GPR61: variants seen among roughly 807,000 people sequenced by gnomAD.
The protein encoded by GPR61 is G protein-coupled receptor 61.
Under a neutral mutation model 29.2 loss-of-function variants are expected in GPR61, and 15 were observed. The ratio of observed to expected loss-of-function variants is 0.51; its 90% CI spans 0.34 to 0.79. The LOEUF is 0.79. Ranked by LOEUF, GPR61 falls within the 30% of genes least tolerant of loss-of-function variation. The pLI is 0.01. For synonymous variants in GPR61, 238 were observed against 242.3 expected, an observed-to-expected ratio of 0.98 and a Z score of 0.17; for missense variants, 399 against 582.5, an observed-to-expected ratio of 0.69 and a Z score of 3.24.
In GPR61 at chr1:109,543,280, C is replaced by T; in HGVS notation, c.258C>T (p.Asp86=). 1.2e-6 allele frequency: 2 copies of T among 1,614,156 alleles called. No homozygotes were observed. The highest frequency in any genetic ancestry group is 1.1e-5 in the South Asian group (1 of 91,088). ...TCGTCTTCCACCTCTGCCTGGTGGACCTGCTGGCTGCCCTGACCCTCATGC... is the reference window on the plus strand; with the variant it reads ...TCGTCTTCCACCTCTGCCTGGTGGATCTGCTGGCTGCCCTGACCCTCATGC... The part of the protein sequence containing the change: ...FVFVFHLCLV[D]LLAALTLMPL... Residue 86 remains aspartate, a synonymous_variant, in exon 2 of 2, where the codon GAC becomes GAT. Coordinates refer to ENST00000527748, the MANE Select transcript of GPR61 (RefSeq NM_001393907.1). This position sits in a 1 kb window ranked among gnomAD's most constrained non-coding sequence, Gnocchi z 6.8.
chr1:109,542,951 C>G lies in GPR61; in HGVS notation c.-72C>G, dbSNP rs1361525197. The stretch of plus-strand genomic sequence containing the variant: ...GGAAGCCTGGGCCTGGGCTCGCCAT[C>G]CCAGGGTCGCTGGACTAGGATGGGG... On this transcript the variant is annotated 5_prime_UTR_variant, in exon 2 of 2. It adds an upstream start codon to the 5' untranslated region. Coordinates refer to ENST00000527748, the MANE Select transcript of GPR61 (RefSeq NM_001393907.1). 4 of 1,548,606 alleles carry G rather than the reference C, an allele frequency of 2.6e-6. No homozygotes were observed. Among genetic ancestry groups the G allele is most frequent in the Non-Finnish European group, 3.5e-6 (4 of 1,143,976 alleles).
In GPR61 at chr1:109,543,435, T is replaced by G; in HGVS notation, c.413T>G (p.Val138Gly). 1 of 1,612,792 alleles carries G rather than the reference T, an allele frequency of 6.2e-7. No homozygotes were observed. Among genetic ancestry groups the G allele is most frequent in the Non-Finnish European group, 8.5e-7 (1 of 1,179,982 alleles). Residue 138 changes from valine (V) to glycine (G), a missense_variant, in exon 2 of 2, where the codon GTG (valine) becomes GGG (glycine). Physicochemically the swap from Val to Gly is moderately radical, Grantham distance 109. Transcript: ENST00000527748. This position sits in a 1 kb window ranked among gnomAD's most constrained non-coding sequence, Gnocchi z 6.8. ...ATCCTCTCGGTGTCAGCCATCAATG[T>G]GGAGCGCTACTATTACGTAGTCCAC... is the stretch of plus-strand genomic sequence containing the variant. ...LAILSVSAIN[V>G]ERYYYVVHPM...
Position 109,547,129 on chromosome 1 carries a change from C to T in GPR61, c.*2751C>T, listed in dbSNP as rs1647829084. On this transcript the variant is annotated 3_prime_UTR_variant, in exon 2 of 2. Coordinates refer to ENST00000527748, the MANE Select transcript of GPR61 (RefSeq NM_001393907.1). Reference sequence around the variant, plus strand: ...AAGCTGCTTAATTTCTCTGAGCCTACTTCCTCACCTGTAAAAATGGGGATC... The same window carrying T: ...AAGCTGCTTAATTTCTCTGAGCCTATTTCCTCACCTGTAAAAATGGGGATC... 1 of 152,240 alleles carries T rather than the reference C, an allele frequency of 6.6e-6. No homozygotes were observed. 9.4% of individuals were successfully genotyped at this position (152,240 alleles called of 1,614,324 possible).
chr1:109,540,704 C>T (rs1647610482), intron 1 of GPR61, among the ~76,000 whole-genome samples: 3 of 152,188 alleles, frequency 2.0e-5, no homozygotes, highest in Non-Finnish European at 4.4e-5. Context: ...TGTTACACCA[C>T]AGCCCTCCCC....
chr1:109,541,786 G>A (rs12044778), intron 1 of GPR61, among the ~76,000 whole-genome samples: 25,475 of 152,186 alleles, frequency 0.17, 2,444 homozygotes, highest in East Asian at 0.35. Flanking sequence ...TCATGAGTGG[G>A]TGGAGAAGGG....
At chr1:109,540,948 G>T (rs1489118725) in intron 1 of GPR61, among the ~76,000 whole-genome samples, 3 of 152,176 alleles carry the variant, frequency 2.0e-5, no homozygotes, top group Non-Finnish European at 4.4e-5. Flanking sequence ...CTCCGTCTGG[G>T]ACTCTTGATG....
In GPR61 at chr1:109,542,961, C is replaced by A. The variant is rs750650798; in HGVS notation, c.-62C>A. The A allele has an allele frequency of 1.3e-6, 2 of 1,554,332 alleles. No individual in the cohort carries two copies. Among genetic ancestry groups the A allele is most frequent in the South Asian group, 1.2e-5 (1 of 83,754 alleles). ...GCCTGGGCTCGCCATCCCAGGGTCG[C>A]TGGACTAGGATGGGGGATGGGCCTG... On this transcript the variant is annotated 5_prime_UTR_variant, in exon 2 of 2. It adds an upstream start codon to the 5' untranslated region. Coordinates refer to ENST00000527748, the MANE Select transcript of GPR61 (RefSeq NM_001393907.1).
chr1:109,543,319 C>T lies in GPR61; in HGVS notation c.297C>T (p.Leu99=). Reference sequence around the variant, plus strand: ...TGACCCTCATGCCCCTGGCCATGCTCTCCAGCTCTGCCCTCTTTGACCACG... The same window carrying T: ...TGACCCTCATGCCCCTGGCCATGCTTTCCAGCTCTGCCCTCTTTGACCACG... ...AALTLMPLAM[L]SSSALFDHAL... Residue 99 remains leucine (L), a synonymous_variant, in exon 2 of 2, where the codon CTC becomes CTT. Coordinates refer to ENST00000527748, the MANE Select transcript of GPR61 (RefSeq NM_001393907.1). This position sits in a 1 kb window ranked among gnomAD's most constrained non-coding sequence, Gnocchi z 6.8. The T allele has an allele frequency of 6.2e-7, 1 of 1,613,976 alleles. No homozygotes were observed. Among genetic ancestry groups the T allele is most frequent in the Non-Finnish European group, 8.5e-7 (1 of 1,180,010 alleles).
At position 109,539,929 on chromosome 1, in the gene GPR61, T is replaced by G. The variant is rs41279738; in HGVS notation, c.-626T>G. On this transcript the variant is annotated 5_prime_UTR_variant, in exon 1 of 2. An upstream start codon of the reference 5' UTR is lost. Coordinates refer to ENST00000527748, the MANE Select transcript of GPR61 (RefSeq NM_001393907.1). ...GCATCAGCTGAGAGGAGCTATCACA[T>G]GGGAGCCGGGACTGCTCAGCAAAGG... 0.022 allele frequency: 3,397 copies of G among 152,312 alleles called. 82 individuals carry two copies. The highest frequency in any genetic ancestry group is 0.032 in the Non-Finnish European group (2,167 of 68,062). 9.4% of individuals were successfully genotyped at this position (152,312 alleles called of 1,614,324 possible). A position where few individuals can be genotyped will look rare whatever the true frequency, so the allele number is the denominator to read the frequency against.
chr1:109,543,659 G>C lies in GPR61; in HGVS notation c.637G>C (p.Ala213Pro). 6.2e-7 allele frequency: 1 copy of C among 1,614,038 alleles called. No individual in the cohort carries two copies. Among genetic ancestry groups the C allele is most frequent in the Non-Finnish European group, 8.5e-7 (1 of 1,180,032 alleles). ...AYCQLFVVVF[A>P]VLYFLLPLLL... is the part of the protein sequence containing the mutation. ...CTGCCAGCTTTTTGTGGTGGTCTTTGCTGTCCTTTACTTTCTGTTGCCCCT... is the reference window on the plus strand; with the variant it reads ...CTGCCAGCTTTTTGTGGTGGTCTTTCCTGTCCTTTACTTTCTGTTGCCCCT... Residue 213 changes from alanine (A) to proline (P), a missense_variant, in exon 2 of 2, where the codon GCT becomes CCT. By Grantham distance (27) the Ala-to-Pro change is conservative. Around this residue, in one of 3 missense-constraint regions of GPR61, gnomAD observed 320 missense variants for 459.8 expected, o/e 0.70. Transcript: ENST00000527748. This position sits in a 1 kb window ranked among gnomAD's most constrained non-coding sequence, Gnocchi z 6.8.
At chr1:109,541,245 C>T (rs1196529265) in intron 1 of GPR61, among the ~76,000 whole-genome samples, 3 of 152,150 alleles carry the variant, frequency 2.0e-5, no homozygotes, top group East Asian at 1.9e-4. Context: ...GAGAGAGGCA[C>T]GTCTCTAGGC....
At chr1:109,541,223 T>C (rs1647633494) in intron 1 of GPR61, among the ~76,000 whole-genome samples, 1 of 152,190 alleles carries the variant, frequency 6.6e-6, no homozygotes, top group Non-Finnish European at 1.5e-5. Flanking sequence ...AAATGAGCTT[T>C]CTGTGTCCCT....
Position 109,542,922 on chromosome 1 carries a change from A to T in GPR61, c.-101A>T. ...TCCAGTGGGAGGTGCCCCCTACGAA[A>T]CCAGGAAGCCTGGGCCTGGGCTCGC... On this transcript the variant is annotated 5_prime_UTR_variant, in exon 2 of 2. Transcript: ENST00000527748. 5 of 1,520,738 alleles carry T rather than the reference A, an allele frequency of 3.3e-6. No individual in the cohort carries two copies. The highest frequency in any genetic ancestry group is 4.5e-6 in the Non-Finnish European group (5 of 1,121,288). The allele number at this position is 1,520,738 out of a possible 1,614,324, so 94.2% of individuals were successfully genotyped here.
At chr1:109,540,827 C>T (rs1435707024) in intron 1 of GPR61, among the ~76,000 whole-genome samples, 3 of 152,226 alleles carry the variant, frequency 2.0e-5, no homozygotes, top group African/African-American at 7.2e-5. Context: ...GAGACACTGG[C>T]AAGCTTGAGG....
rs1401467882 is a variant in GPR61, at chr1:109,543,181, C to G, written c.159C>G (p.Asp53Glu). 1 of 1,613,764 alleles carries G rather than the reference C, an allele frequency of 6.2e-7. No individual in the cohort carries two copies. Among genetic ancestry groups the G allele is most frequent in the South Asian group, 1.1e-5 (1 of 91,032 alleles). ...SVALFFMLLL[D>E]LTAVAGNAAV... is the part of the protein sequence containing the mutation. ...CCCTCTTCTTCATGCTCCTGCTGGA[C>G]TTGACTGCTGTGGCTGGCAATGCCG... Residue 53 changes from aspartate to glutamate, a missense_variant, in exon 2 of 2, where the codon GAC becomes GAG. By Grantham distance (45) the Asp-to-Glu change is conservative (BLOSUM62 2). Transcript: ENST00000527748. The surrounding 1 kb of genome is among the most constrained non-coding windows in gnomAD (Gnocchi z 6.8).
At position 109,541,595 on chromosome 1, in the gene GPR61, C is replaced by A. The variant is rs539195360; in HGVS notation, c.-601-827C>A. 6.6e-5 allele frequency among the ~76,000 whole-genome samples: 10 copies of A among 152,334 alleles called. No homozygotes were observed. In the South Asian group the frequency reaches 2.1e-3, roughly 32 times the overall value. ...AGAAATGATGGGTTTTTAAACTGAG[C>A]AACCTCAGTGTCTCCTCCCTACTTC... On this transcript the variant is annotated intron_variant, in intron 1 of 1. Transcript: ENST00000527748.
Position 109,543,748 on chromosome 1 carries a change from C to A in GPR61, c.726C>A (p.His242Gln). Reference protein sequence around the residue: ...FRVARVAAMQHGPLPTWMETP... With the variant: ...FRVARVAAMQQGPLPTWMETP... ...TGGCCCGCGTGGCTGCCATGCAGCA[C>A]GGGCCGCTGCCCACGTGGATGGAGA... The change falls in exon 2 of 2, where the codon CAC becomes CAA. Residue 242 changes from histidine (H) to glutamine (Q), a missense_variant. Physicochemically the swap from His to Gln is conservative, Grantham distance 24. Around this residue, in one of 3 missense-constraint regions of GPR61, gnomAD observed 320 missense variants for 459.8 expected, o/e 0.70. Coordinates refer to ENST00000527748, the MANE Select transcript of GPR61 (RefSeq NM_001393907.1). The surrounding 1 kb of genome is among the most constrained non-coding windows in gnomAD (Gnocchi z 6.8). 6.2e-7 allele frequency: 1 copy of A among 1,613,242 alleles called. No individual in the cohort carries two copies. The highest frequency in any genetic ancestry group is 2.2e-5 in the East Asian group (1 of 44,856).
rs1234374005 is a variant in GPR61 at position 109,544,404 on chromosome 1, A to G, written c.*26A>G. 1.3e-6 allele frequency: 2 copies of G among 1,559,956 alleles called. No individual in the cohort carries two copies. The highest frequency in any genetic ancestry group is 1.8e-6 in the Non-Finnish European group (2 of 1,138,140). ...TGGGCCGCTGGACACTCGGAGGGATATGGGGCTGGGGCCAGTTATGATTGC... is the reference window on the plus strand; with the variant it reads ...TGGGCCGCTGGACACTCGGAGGGATGTGGGGCTGGGGCCAGTTATGATTGC... On this transcript the variant is annotated 3_prime_UTR_variant, in exon 2 of 2. Transcript: ENST00000527748. This position sits in a 1 kb window ranked among gnomAD's most constrained non-coding sequence, Gnocchi z 4.6.
rs188868581 is a variant in GPR61, at chr1:109,546,605, G to A, written c.*2227G>A. 3 of 152,280 alleles carry A rather than the reference G, an allele frequency of 2.0e-5. No individual in the cohort carries two copies. Among genetic ancestry groups the A allele is most frequent in the African/African-American group, 4.8e-5 (2 of 41,552 alleles). The allele number at this position is 152,280 out of a possible 1,614,324, so 9.4% of individuals were successfully genotyped here. ...CCCTTCCTTCACATACATCAAAGAA[G>A]AAAGTTTTAAGAGCAAGGGTATCTT... is the stretch of plus-strand genomic sequence containing the variant. On this transcript the variant is annotated 3_prime_UTR_variant, in exon 2 of 2. Coordinates refer to ENST00000527748, the MANE Select transcript of GPR61 (RefSeq NM_001393907.1).
Sources: allele counts gnomAD v4.1 joint callset (sites outside exome capture counted in the v4.1 genomes callset), GRCh38; gene constraint gnomAD v4.1.1; regional missense constraint gnomAD v4.1.1; non-coding constraint Gnocchi (gnomAD v3.1); transcripts MANE v1.5; gene names NCBI Gene and HGNC (gene_info 2026-07-23, HGNC 2026-07-21).